The following CRLF3 variants were observed in gnomAD, a reference collection of about 807,000 sequenced individuals.
The protein encoded by CRLF3 is cytokine receptor-like factor 3.
In CRLF3, 33 loss-of-function variants were observed where a neutral mutation model predicts 55.0. The observed-to-expected ratio is 0.60, with a 90% CI of 0.46 to 0.80. The LOEUF (loss-of-function observed/expected upper bound fraction) is 0.80, where lower values mean the gene tolerates loss of function less well. Among genes scored for constraint, CRLF3 ranks in the 30% least tolerant of loss-of-function variants. CRLF3 has a pLI of 0.00. For synonymous variants in CRLF3, 238 were observed against 196.8 expected (o/e 1.21, Z -1.75); for missense variants, 494 against 538.4 (o/e 0.92, Z 0.82).
chr17:30,793,945 CCT>C (rs1271330922), intron 4 of CRLF3, among the ~76,000 whole-genome samples: 1 of 151,976 alleles, frequency 6.6e-6, no homozygotes, highest in Non-Finnish European at 1.5e-5. Flanking sequence ...TTCAAGCCAT[CCT>C]CTTCCTTCCA....
intron 6 of CRLF3, among the ~76,000 whole-genome samples, chr17:30,789,875 GGA>G (rs1971749208): frequency 6.6e-6 from 1 of 152,102 alleles, no homozygotes; most frequent in Non-Finnish European, 1.5e-5. Context: ...CTTGTTCTCA[GGA>G]GAGTCACTAA....
Position 30,824,616 on chromosome 17 carries a change from C to A in CRLF3, c.36G>T (p.Leu12=). 6.2e-7 allele frequency: 1 copy of A among 1,605,554 alleles called. No homozygotes were observed. The part of the protein sequence containing the change: ...RGAMELEPEL[L]LQEARENVEA... ...CCACGTTCTCGCGGGCCTCCTGCAA[C>A]AGCAGCTCAGGCTCCAGCTCCATCG... The change falls in exon 1 of 8, where the codon CTG becomes CTT. Residue 12 remains leucine, a synonymous_variant. Coordinates refer to ENST00000324238, the MANE Select transcript of CRLF3 (RefSeq NM_015986.4).
intron 1 of CRLF3, among the ~76,000 whole-genome samples, chr17:30,805,157 G>C (rs116697693): frequency 1.3e-5 from 2 of 152,046 alleles, no homozygotes; most frequent in African/African-American, 4.8e-5. Flanking sequence ...CACTCCAGCT[G>C]GGCAACAGAG....
In CRLF3 at chr17:30,803,965, T is replaced by C. The variant is rs1170244419; in HGVS notation, c.273A>G (p.Pro91=). Reference sequence around the variant, plus strand: ...CTATGAGCTTCTGGCAGTCATCTAGTGGTTTAATGGTCTCCTGTTCAATGG... The same window carrying C: ...CTATGAGCTTCTGGCAGTCATCTAGCGGTTTAATGGTCTCCTGTTCAATGG... ...VDTIEQETIK[P]LDDCQKLIEH... The change falls in exon 2 of 8, where the codon CCA becomes CCG. Residue 91 remains proline, a synonymous_variant. Coordinates refer to ENST00000324238, the MANE Select transcript of CRLF3 (RefSeq NM_015986.4). The C allele has an allele frequency of 6.2e-7, 1 of 1,612,550 alleles. No homozygotes were observed. Among genetic ancestry groups the C allele is most frequent in the Non-Finnish European group, 8.5e-7 (1 of 1,179,982 alleles).
chr17:30,796,045 T>G, intron 4 of CRLF3, 115 bp downstream of exon 4: 1 of 597,146 alleles, frequency 1.7e-6, no homozygotes, highest in Non-Finnish European at 2.8e-6. Flanking sequence ...GTAAAAGAGA[T>G]TTTTGTTTGA....
intron 2 of CRLF3, among the ~76,000 whole-genome samples, chr17:30,801,694 G>C (rs1390204312): frequency 6.6e-6 from 1 of 152,106 alleles, no homozygotes; most frequent in Non-Finnish European, 1.5e-5. Flanking sequence ...ACATCCCAAA[G>C]TGCTGGGGTT....
At chr17:30,812,435 AAGTT>A (rs1387328955) in intron 1 of CRLF3, among the ~76,000 whole-genome samples, 2 of 152,136 alleles carry the variant, frequency 1.3e-5, no homozygotes, top group African/African-American at 4.8e-5. Context: ...CCATATCACA[AAGTT>A]AGTGAAGTGG....
At chr17:30,795,077 A>T (rs1234350565) in intron 4 of CRLF3, among the ~76,000 whole-genome samples, 1 of 152,210 alleles carries the variant, frequency 6.6e-6, no homozygotes, top group Non-Finnish European at 1.5e-5. Context: ...TATAGCAAAA[A>T]ACTGGAAATA....
intron 1 of CRLF3, among the ~76,000 whole-genome samples, chr17:30,816,578 C>G (rs1904814083): frequency 6.6e-6 from 1 of 150,570 alleles, no homozygotes; most frequent in Admixed American, 6.7e-5. Flanking sequence ...CACCCTCAGC[C>G]TCCTGGGCTC....
intron 2 of CRLF3, among the ~76,000 whole-genome samples, chr17:30,799,235 T>G (rs1379700476): frequency 6.6e-6 from 1 of 152,200 alleles, no homozygotes; most frequent in Non-Finnish European, 1.5e-5. Flanking sequence ...ATCGTGCCAC[T>G]GCACTCCAGC....
intron 4 of CRLF3, among the ~76,000 whole-genome samples, chr17:30,795,499 A>G (rs1328036100): frequency 2.0e-5 from 3 of 148,694 alleles, no homozygotes; most frequent in African/African-American, 7.4e-5. Context: ...TCTGTCTCAA[A>G]AAAAAAAAAA....
chr17:30,805,083 T>C (rs1904355395), intron 1 of CRLF3, among the ~76,000 whole-genome samples: 1 of 152,066 alleles, frequency 6.6e-6, no homozygotes, highest in African/African-American at 2.4e-5. Flanking sequence ...CTTGCGAGGC[T>C]GAGGCAGGAG....
At chr17:30,808,335 T>C (rs1392133751) in intron 1 of CRLF3, among the ~76,000 whole-genome samples, 16 of 139,528 alleles carry the variant, frequency 1.1e-4, no homozygotes, top group Admixed American at 8.8e-4. Context: ...TTACCCAGGC[T>C]GCAGTGCAAT....
chr17:30,799,475 C>T (rs1971971595), intron 2 of CRLF3, among the ~76,000 whole-genome samples: 1 of 151,948 alleles, frequency 6.6e-6, no homozygotes. Flanking sequence ...CCTCCCGCCT[C>T]AGCCTCCCAA....
At position 30,783,680 on chromosome 17, in the gene CRLF3, G is replaced by A. The variant is rs1971558741; in HGVS notation, c.*507C>T. 6.6e-6 allele frequency: 1 copy of A among 152,570 alleles called. No homozygotes were observed. The highest frequency in any genetic ancestry group is 2.4e-5 in the African/African-American group (1 of 41,418). The allele number at this position is 152,570 out of a possible 1,614,324, so 9.5% of individuals were successfully genotyped here. ...AAAGATTACTGAAGAGGGGATAAAA[G>A]TCAACACTGCTTACAAATACCTGAA... On this transcript the variant is annotated 3_prime_UTR_variant, in exon 8 of 8. Coordinates refer to ENST00000324238, the MANE Select transcript of CRLF3 (RefSeq NM_015986.4).
At chr17:30,785,829 C>T (rs1971632635) in intron 7 of CRLF3, 90 bp downstream of exon 7, 4 of 654,438 alleles carry the variant, frequency 6.1e-6, no homozygotes, top group African/African-American at 5.7e-5. Context: ...TTCTCATCTC[C>T]TACTATAAAT....
chr17:30,786,237 A>T, intron 6 of CRLF3: 1 of 434,478 alleles, frequency 2.3e-6, no homozygotes, highest in Non-Finnish European at 4.0e-6. Flanking sequence ...TCTATGAGGT[A>T]GGTGCTTTTT....
At position 30,814,767 on chromosome 17, in the gene CRLF3, C is replaced by T. The variant is rs145775884; in HGVS notation, c.129+9756G>A. ...CTGTAATCCCAGCACTTTGGGAGCT[C>T]GAGGCAGGTGGATCACCTGAGGTCG... On this transcript the variant is annotated intron_variant, in intron 1 of 7. Coordinates refer to ENST00000324238, the MANE Select transcript of CRLF3 (RefSeq NM_015986.4). Among the ~76,000 whole-genome samples the T allele has an allele frequency of 3.8e-3, 584 of 152,088 alleles. 3 individuals carry two copies. The highest frequency in any genetic ancestry group is 0.014 in the African/African-American group (563 of 41,482).
At chr17:30,806,268 A>C (rs1049948837) in intron 1 of CRLF3, among the ~76,000 whole-genome samples, 3 of 152,164 alleles carry the variant, frequency 2.0e-5, no homozygotes, top group African/African-American at 4.8e-5. Context: ...CCTCTTCCCC[A>C]AAAAATACAT....
Sources: allele counts gnomAD v4.1 joint callset (sites outside exome capture counted in the v4.1 genomes callset), GRCh38; gene constraint gnomAD v4.1.1; transcripts MANE v1.5; gene names NCBI Gene and HGNC (gene_info 2026-07-23, HGNC 2026-07-21).